KCMF1: variants seen among roughly 807,000 people sequenced by gnomAD.
KCMF1 encodes the protein potassium channel modulatory factor 1, also known as E3 ubiquitin-protein ligase KCMF1.
A neutral mutation model predicts 41.1 loss-of-function variants in KCMF1; 3 were observed. The observed-to-expected ratio is 0.07, with a 90% CI of 0.03 to 0.19. The LOEUF is 0.19. Ranked by LOEUF, KCMF1 falls within the 10% of genes least tolerant of loss-of-function variation. The pLI is 1.00. For missense variants in KCMF1, 286 were observed against 488.9 expected, an observed-to-expected ratio of 0.58 and a Z score of 3.91; for synonymous variants, 142 against 164.5, an observed-to-expected ratio of 0.86 and a Z score of 1.04.
chr2:85,046,219 T>C lies in KCMF1; in HGVS notation c.542T>C (p.Leu181Pro). The C allele has an allele frequency of 6.2e-7, 1 of 1,613,476 alleles. No individual in the cohort carries two copies. Among genetic ancestry groups the C allele is most frequent in the Non-Finnish European group, 8.5e-7 (1 of 1,179,630 alleles). The change falls in exon 5 of 7, where the codon CTT becomes CCT. Residue 181 changes from leucine (L) to proline (P), a missense_variant. Coordinates refer to ENST00000409785, the MANE Select transcript of KCMF1 (RefSeq NM_020122.5). ...MHFTSSSTGG[L>P]SSSQSSYSPS... Reference sequence around the variant, plus strand: ...TTTACTAGCAGTTCTACTGGTGGACTTTCTTCTTCTCAGAGTTCATATTCT... The same window carrying C: ...TTTACTAGCAGTTCTACTGGTGGACCTTCTTCTTCTCAGAGTTCATATTCT...
intron 2 of KCMF1, 28 bp downstream of exon 2, chr2:85,028,084 C>T (rs760028224): frequency 6.9e-7 from 1 of 1,441,918 alleles, no homozygotes; most frequent in South Asian, 1.2e-5. Flanking sequence ...TAATGAATTA[C>T]ATCATTTAGA....
chr2:85,034,282 G>C (rs1189029845), intron 2 of KCMF1, among the ~76,000 whole-genome samples: 1 of 152,180 alleles, frequency 6.6e-6, no homozygotes, highest in Non-Finnish European at 1.5e-5. Flanking sequence ...ATGTTCTATA[G>C]ACAACTAGCT....
rs1675909535 is a variant in KCMF1, at chr2:85,055,644, ATTATT to A, written c.*2239_*2243del. 6.6e-6 allele frequency: 1 copy of A among 152,260 alleles called. No homozygotes were observed. Among genetic ancestry groups the A allele is most frequent in the Admixed American group, 6.5e-5 (1 of 15,290 alleles). The allele number at this position is 152,260 out of a possible 1,614,324, so 9.4% of individuals were successfully genotyped here. A position where few individuals can be genotyped will look rare whatever the true frequency, so the allele number is the denominator to read the frequency against. ...TCATCCTGTATGTAATCAATAATGT[ATTATT>A]TTAGGGTAGAACGACACAGAATATC... On this transcript the variant is annotated 3_prime_UTR_variant, in exon 7 of 7. Transcript: ENST00000409785.
At chr2:84,972,666 T>C (rs555450076) in intron 1 of KCMF1, among the ~76,000 whole-genome samples, 1 of 152,316 alleles carries the variant, frequency 6.6e-6, no homozygotes, top group African/African-American at 2.4e-5. Flanking sequence ...AAGGATATTC[T>C]TTGGGAAATA....
rs1425758832 is a variant in KCMF1 at position 85,057,265 on chromosome 2, G to A, written c.*3856G>A. ...GGTGTTCATGCTGGAAAACAGTTAC[G>A]GTTATCTGTGCTCTTTCTAAAGCTC... On this transcript the variant is annotated 3_prime_UTR_variant, in exon 7 of 7. Transcript: ENST00000409785. The A allele has an allele frequency of 6.6e-6, 1 of 152,094 alleles. No individual in the cohort carries two copies. Among genetic ancestry groups the A allele is most frequent in the Non-Finnish European group, 1.5e-5 (1 of 68,004 alleles). 9.4% of individuals were successfully genotyped at this position (152,094 alleles called of 1,614,324 possible).
At chr2:84,985,557 G>A (rs1051417265) in intron 1 of KCMF1, among the ~76,000 whole-genome samples, 3 of 152,148 alleles carry the variant, frequency 2.0e-5, no homozygotes, top group Non-Finnish European at 4.4e-5. Flanking sequence ...CTGGCCTGGC[G>A]CGGTGGCTCA....
intron 3 of KCMF1, among the ~76,000 whole-genome samples, chr2:85,038,383 G>A (rs915301194): frequency 6.6e-6 from 1 of 152,086 alleles, no homozygotes; most frequent in Admixed American, 6.6e-5. Flanking sequence ...CAAGCTAGAC[G>A]GTTCTACAAG....
intron 4 of KCMF1, among the ~76,000 whole-genome samples, chr2:85,044,073 C>T (rs1361469559): frequency 6.6e-6 from 1 of 152,040 alleles, no homozygotes; most frequent in East Asian, 1.9e-4. Context: ...TTTTTTAAGG[C>T]AGTTTGACCA....
intron 1 of KCMF1, among the ~76,000 whole-genome samples, chr2:84,973,069 T>G (rs554475467): frequency 6.6e-6 from 1 of 152,232 alleles, no homozygotes; most frequent in Non-Finnish European, 1.5e-5. Flanking sequence ...TATCTTAAAC[T>G]GTAGTCCTGT....
rs1306354965 is a variant in KCMF1, at chr2:85,055,768, AAATT to A, written c.*2364_*2367del. On this transcript the variant is annotated 3_prime_UTR_variant, in exon 7 of 7. Transcript: ENST00000409785. ...TATTACTGGATGTACTATTGAATAA[AAATT>A]AATTGCAAAGACTTTGATGGAGACA... The A allele has an allele frequency of 2.0e-5, 3 of 152,192 alleles. No individual in the cohort carries two copies. The highest frequency in any genetic ancestry group is 1.3e-4 in the Admixed American group (2 of 15,278). The allele number at this position is 152,192 out of a possible 1,614,324, so 9.4% of individuals were successfully genotyped here.
intron 3 of KCMF1, among the ~76,000 whole-genome samples, chr2:85,040,340 C>T (rs986549097): frequency 6.6e-6 from 1 of 151,998 alleles, no homozygotes; most frequent in Non-Finnish European, 1.5e-5. Context: ...CCCTTTGTGT[C>T]GAGTTTTCCT....
chr2:84,990,219 A>G (rs534099827), intron 1 of KCMF1, among the ~76,000 whole-genome samples: 1 of 152,264 alleles, frequency 6.6e-6, no homozygotes, highest in East Asian at 1.9e-4. Flanking sequence ...TGAATATGAG[A>G]AATTGAGGAC....
intron 3 of KCMF1, among the ~76,000 whole-genome samples, chr2:85,037,002 C>T (rs1675419824): frequency 7.3e-6 from 1 of 137,250 alleles, no homozygotes; most frequent in South Asian, 2.6e-4. Context: ...GCCCCCCCAT[C>T]CCGCCCCTGA....
At chr2:84,975,648 A>C (rs532315251) in intron 1 of KCMF1, among the ~76,000 whole-genome samples, 1 of 152,112 alleles carries the variant, frequency 6.6e-6, no homozygotes, top group African/African-American at 2.4e-5. Context: ...AGACTTTAGC[A>C]CCCACTTTGT....
chr2:85,008,277 A>AT (rs1370005345), intron 1 of KCMF1, among the ~76,000 whole-genome samples: 10 of 91,386 alleles, frequency 1.1e-4, no homozygotes, highest in African/African-American at 4.7e-4. Context: ...TATAATATAT[A>AT]ATATGATATA....
Position 85,056,278 on chromosome 2 carries a change from A to T in KCMF1, c.*2869A>T, listed in dbSNP as rs997129092. The stretch of plus-strand genomic sequence containing the variant: ...CACTATTAGAAATAATAGACGTAAC[A>T]AAAAAAATCCAGCCCATTATCCCCA... On this transcript the variant is annotated 3_prime_UTR_variant, in exon 7 of 7. Transcript: ENST00000409785. 3 of 151,846 alleles carry T rather than the reference A, an allele frequency of 2.0e-5. No individual in the cohort carries two copies. The highest frequency in any genetic ancestry group is 6.6e-5 in the Admixed American group (1 of 15,242). The allele number at this position is 151,846 out of a possible 1,614,324, so 9.4% of individuals were successfully genotyped here.
intron 6 of KCMF1, among the ~76,000 whole-genome samples, chr2:85,050,199 TG>T (rs1197723376): frequency 6.6e-6 from 1 of 152,194 alleles, no homozygotes; most frequent in Non-Finnish European, 1.5e-5. Flanking sequence ...TCATATAATA[TG>T]AATTGTTTTG....
chr2:84,995,242 G>GAA (rs769267229), intron 1 of KCMF1, among the ~76,000 whole-genome samples: 20 of 151,786 alleles, frequency 1.3e-4, no homozygotes, highest in Non-Finnish European at 2.5e-4. Flanking sequence ...GGCTTGTCTG[G>GAA]AACTCCTGAC....
chr2:85,023,999 G>A (rs1362589658), intron 1 of KCMF1, among the ~76,000 whole-genome samples: 2 of 152,100 alleles, frequency 1.3e-5, no homozygotes, highest in Non-Finnish European at 2.9e-5. Flanking sequence ...GGCCATTTAT[G>A]TTTGTTGTTC....
Sources: allele counts gnomAD v4.1 joint callset (sites outside exome capture counted in the v4.1 genomes callset), GRCh38; gene constraint gnomAD v4.1.1; transcripts MANE v1.5; gene names NCBI Gene and HGNC (gene_info 2026-07-23, HGNC 2026-07-21).